Variants in MARCHF1 observed in about 807,000 individuals in gnomAD.
The protein encoded by MARCHF1 is E3 ubiquitin-protein ligase MARCHF1.
A neutral mutation model predicts 54.2 loss-of-function variants in MARCHF1; 40 were observed. The observed-to-expected ratio is 0.74, with a 90% CI of 0.57 to 0.96. MARCHF1 has a LOEUF of 0.96. Ranked by LOEUF, MARCHF1 falls within the 40% of genes least tolerant of loss-of-function variation. The probability of loss-of-function intolerance (pLI) is 0.00; values close to 1 mark genes in which losing one functional copy is unlikely to be tolerated. For synonymous variants in MARCHF1, 236 were observed against 236.3 expected, an observed-to-expected ratio of 1.00 and a Z score of 0.01; for missense variants, 586 against 656.5, an observed-to-expected ratio of 0.89 and a Z score of 1.17.
At chr4:163,873,190 CT>C (rs1750215924) in intron 3 of MARCHF1, among the ~76,000 whole-genome samples, 4 of 152,220 alleles carry the variant, frequency 2.6e-5, no homozygotes, top group Non-Finnish European at 4.4e-5. Flanking sequence ...TTCCATTAGA[CT>C]GGTAAAACTG....
At chr4:163,684,266 T>A (rs989348795) in intron 5 of MARCHF1, among the ~76,000 whole-genome samples, 1 of 152,172 alleles carries the variant, frequency 6.6e-6, no homozygotes, top group Admixed American at 6.5e-5. Flanking sequence ...TGGCAGGGAT[T>A]GTATGTTGGT....
intron 2 of MARCHF1, among the ~76,000 whole-genome samples, chr4:164,070,196 T>G (rs1754833261): frequency 6.6e-6 from 1 of 152,204 alleles, no homozygotes; most frequent in South Asian, 2.1e-4. Flanking sequence ...AATATACCCA[T>G]GCAGTGAACC....
At chr4:164,170,589 C>T (rs1200363303) in intron 1 of MARCHF1, among the ~76,000 whole-genome samples, 1 of 151,962 alleles carries the variant, frequency 6.6e-6, no homozygotes, top group Non-Finnish European at 1.5e-5. Flanking sequence ...ATGGTTCCTT[C>T]CCTCAAAAAG....
intron 4 of MARCHF1, among the ~76,000 whole-genome samples, chr4:163,798,858 G>T (rs1747997069): frequency 6.6e-6 from 1 of 151,964 alleles, no homozygotes; most frequent in South Asian, 2.1e-4. Context: ...ATCAGTAATG[G>T]GTACATATTG....
chr4:163,919,301 A>T (rs1751374384), intron 3 of MARCHF1, among the ~76,000 whole-genome samples: 1 of 152,112 alleles, frequency 6.6e-6, no homozygotes, highest in African/African-American at 2.4e-5. Context: ...AATAAGAGTG[A>T]GTAACTATTT....
chr4:164,338,212 T>A (rs1729809173), intron 1 of MARCHF1, among the ~76,000 whole-genome samples: 1 of 152,150 alleles, frequency 6.6e-6, no homozygotes, highest in South Asian at 2.1e-4. Flanking sequence ...TATAGACTAT[T>A]ATAATGATAA....
chr4:163,916,475 A>G (rs1019074325), intron 3 of MARCHF1, among the ~76,000 whole-genome samples: 1 of 94,546 alleles, frequency 1.1e-5, no homozygotes, highest in Non-Finnish European at 2.0e-5. Context: ...GGAAAGGCAC[A>G]AGTAGAAAGG....
intron 1 of MARCHF1, among the ~76,000 whole-genome samples, chr4:164,249,172 C>G (rs915657162): frequency 6.6e-6 from 1 of 152,010 alleles, no homozygotes; most frequent in Non-Finnish European, 1.5e-5. Context: ...CATCAAGGCT[C>G]TTAAAGATTA....
At chr4:163,935,786 T>C (rs1751783710) in intron 3 of MARCHF1, among the ~76,000 whole-genome samples, 6 of 151,500 alleles carry the variant, frequency 4.0e-5, no homozygotes, top group Admixed American at 4.0e-4. Flanking sequence ...TATGTATACA[T>C]GTGCCATGCT....
At chr4:164,160,625 AT>A (rs1170022426) in intron 1 of MARCHF1, among the ~76,000 whole-genome samples, 3 of 152,198 alleles carry the variant, frequency 2.0e-5, no homozygotes, top group African/African-American at 7.2e-5. Context: ...TTTGGATATA[AT>A]TTTTATGTGC....
chr4:164,018,289 C>T (rs1753589509), intron 2 of MARCHF1, among the ~76,000 whole-genome samples: 1 of 151,708 alleles, frequency 6.6e-6, no homozygotes, highest in African/African-American at 2.4e-5. Context: ...AAATTGATAA[C>T]TTTATTCAAA....
intron 1 of MARCHF1, among the ~76,000 whole-genome samples, chr4:164,341,081 T>C (rs982055566): frequency 6.6e-6 from 1 of 152,106 alleles, no homozygotes; most frequent in African/African-American, 2.4e-5. Context: ...CATTTGTACA[T>C]CTCTAAATGT....
At chr4:164,358,279 T>C (rs1578896404) in intron 1 of MARCHF1, among the ~76,000 whole-genome samples, 1 of 152,112 alleles carries the variant, frequency 6.6e-6, no homozygotes, top group South Asian at 2.1e-4. Context: ...TAGAAATAGA[T>C]ACAGGTCATA....
At chr4:164,194,653 G>A (rs1731206103) in intron 1 of MARCHF1, among the ~76,000 whole-genome samples, 1 of 151,964 alleles carries the variant, frequency 6.6e-6, no homozygotes, top group African/African-American at 2.4e-5. Context: ...TTAAGGTCAA[G>A]TTCTATGACG....
intron 1 of MARCHF1, among the ~76,000 whole-genome samples, chr4:164,134,528 A>G (rs1023130649): frequency 2.6e-5 from 4 of 152,150 alleles, no homozygotes; most frequent in Non-Finnish European, 5.9e-5. Flanking sequence ...TCTTTAGTGC[A>G]TGTCTCCTGC....
At chr4:164,321,111 T>C (rs1294246350) in intron 1 of MARCHF1, among the ~76,000 whole-genome samples, 2 of 152,080 alleles carry the variant, frequency 1.3e-5, no homozygotes, top group Non-Finnish European at 2.9e-5. Flanking sequence ...TATAAGAGTA[T>C]ATCTAAAACA....
intron 5 of MARCHF1, among the ~76,000 whole-genome samples, chr4:163,668,646 G>A (rs1418813071): frequency 1.3e-5 from 2 of 152,148 alleles, no homozygotes; most frequent in Non-Finnish European, 2.9e-5. Context: ...TTGAATCACA[G>A]CATCAGTAAA....
chr4:164,072,605 T>C (rs1354760800), intron 2 of MARCHF1, among the ~76,000 whole-genome samples: 1 of 151,628 alleles, frequency 6.6e-6, no homozygotes, highest in Non-Finnish European at 1.5e-5. Flanking sequence ...AGATAAACTT[T>C]AAATGTTCTC....
At chr4:163,891,216 T>G (rs1750653976) in intron 3 of MARCHF1, among the ~76,000 whole-genome samples, 1 of 152,118 alleles carries the variant, frequency 6.6e-6, no homozygotes, top group African/African-American at 2.4e-5. Context: ...AATTATATTT[T>G]CACTCTGAGA....
Sources: gnomAD v4.1 joint callset for allele counts (sites outside exome capture counted in the v4.1 genomes callset) on GRCh38, gnomAD v4.1.1 for gene constraint, MANE v1.5 for transcripts, NCBI Gene and HGNC (gene_info 2026-07-23, HGNC 2026-07-21) for gene names.